DOK3: variants seen among roughly 807,000 people sequenced by gnomAD.
DOK3 encodes docking protein 3.
DOK3 carries 23 observed loss-of-function variants against 26.2 expected under a neutral mutation model. That is an observed-to-expected ratio of 0.88 (90% CI 0.63 to 1.24). The LOEUF (loss-of-function observed/expected upper bound fraction) is 1.24. DOK3 is among the 50% of genes most tolerant of loss of function. The pLI is 0.00. For missense variants in DOK3, 619 were observed against 610.6 expected (o/e 1.01, Z -0.15); for synonymous variants, 268 against 268.2 (o/e 1.00, Z 0.01).
At position 177,503,648 on chromosome 5, in the gene DOK3, G is replaced by C. The variant is rs1386867248; in HGVS notation, c.*335C>G. On this transcript the variant is annotated 3_prime_UTR_variant, in exon 6 of 6. Coordinates refer to ENST00000510898, the MANE Select transcript of DOK3 (RefSeq NM_001308236.3). ...TTCCATCCCGTCTGTCTGCTGCAGTGGGTTTGAGCCCACGGGTGGCAGGTA... is the reference window on the plus strand; with the variant it reads ...TTCCATCCCGTCTGTCTGCTGCAGTCGGTTTGAGCCCACGGGTGGCAGGTA... The C allele has an allele frequency of 6.7e-5, 90 of 1,333,426 alleles. No homozygotes were observed. The highest frequency in any genetic ancestry group is 8.5e-5 in the Non-Finnish European group (87 of 1,019,062). The allele number at this position is 1,333,426 out of a possible 1,614,324, so 82.6% of individuals were successfully genotyped here. A position where few individuals can be genotyped will look rare whatever the true frequency, so the allele number is the denominator to read the frequency against.
At position 177,509,762 on chromosome 5, in the gene DOK3, A is replaced by G. The variant is rs1760742348; in HGVS notation, c.-122T>C. On this transcript the variant is annotated 5_prime_UTR_variant, in exon 1 of 6. Coordinates refer to ENST00000510898, the MANE Select transcript of DOK3 (RefSeq NM_001308236.3). ...GCCCAAGGTGCCCACACCTACCTGG[A>G]GGGAGCCCCCGGCCACCTGAAGGCA... The G allele has an allele frequency of 6.2e-7, 1 of 1,612,408 alleles. No homozygotes were observed. The highest frequency in any genetic ancestry group is 1.3e-5 in the African/African-American group (1 of 74,878).
chr5:177,510,527 G>A (rs756341440), upstream of DOK3: 7 of 153,056 alleles, frequency 4.6e-5, no homozygotes, highest in Admixed American at 1.3e-4. Context: ...TGCCAATAGC[G>A]GGGCTGTGTG....
rs376607810 is a variant in DOK3 at position 177,504,394 on chromosome 5, G to A, written c.912C>T (p.Pro304=). ...PTSRKMHLAE[P]GPQSLPLLLG... is the part of the protein sequence containing the mutation. ...GCAGTAGCGGCAGGCTCTGGGGTCC[G>A]GGCTCGGCCAGGTGCATTTTCCTGG... is the stretch of plus-strand genomic sequence containing the variant. Residue 304 remains proline, a synonymous_variant, in exon 6 of 6, where the codon CCC becomes CCT. Transcript: ENST00000510898. 127 of 1,565,968 alleles carry A rather than the reference G, an allele frequency of 8.1e-5. No individual in the cohort carries two copies. The highest frequency in any genetic ancestry group is 1.7e-4 in the Middle Eastern group (1 of 5,810).
At chr5:177,505,710 C>T (rs566038188) in intron 3 of DOK3, among the ~76,000 whole-genome samples, 2 of 152,228 alleles carry the variant, frequency 1.3e-5, no homozygotes, top group South Asian at 4.1e-4. Context: ...GGCGAGATCT[C>T]GGCTGACTGC....
In DOK3 at chr5:177,508,366, C is replaced by A. The variant is rs1378284267; in HGVS notation, c.243G>T (p.Leu81=). Residue 81 remains leucine (L), a synonymous_variant, in exon 3 of 6, where the codon CTG becomes CTT. Transcript: ENST00000510898. The part of the protein sequence containing the change: ...VIRLADCVSV[L]PADGESCPRD... The stretch of plus-strand genomic sequence containing the variant: ...GGGGGCAGCTCTCGCCGTCAGCCGG[C>A]AGCACGGACACACAGTCAGCCAGGC... The A allele has an allele frequency of 5.0e-6, 8 of 1,602,068 alleles. No homozygotes were observed. Among genetic ancestry groups the A allele is most frequent in the Non-Finnish European group, 6.8e-6 (8 of 1,178,980 alleles).
At position 177,504,652 on chromosome 5, in the gene DOK3, G is replaced by C; in HGVS notation, c.654C>G (p.Phe218Leu). The C allele has an allele frequency of 6.2e-7, 1 of 1,613,142 alleles. No homozygotes were observed. Among genetic ancestry groups the C allele is most frequent in the African/African-American group, 1.3e-5 (1 of 75,058 alleles). ...GGCAGCGACGGCCGGCCTCAAAGGA[G>C]AACACGCCCTGGGCACAGGGCACAC... The part of the protein sequence containing the change: ...LRKFGSDKGV[F>L]SFEAGRRCHS... Residue 218 changes from phenylalanine to leucine, a missense_variant, in exon 6 of 6, where the codon TTC becomes TTG. Physicochemically the swap from Phe to Leu is conservative, Grantham distance 22. Coordinates refer to ENST00000510898, the MANE Select transcript of DOK3 (RefSeq NM_001308236.3).
Position 177,503,141 on chromosome 5 carries a change from G to T in DOK3, c.*842C>A. ...GGCATGACGCTTGCGTGCGTGGCTG[G>T]CTCCTAGGATGGCGCCAGGAGCAGG... On this transcript the variant is annotated 3_prime_UTR_variant, in exon 6 of 6. Coordinates refer to ENST00000510898, the MANE Select transcript of DOK3 (RefSeq NM_001308236.3). The T allele has an allele frequency of 1.9e-6, 3 of 1,548,470 alleles. No homozygotes were observed. The highest frequency in any genetic ancestry group is 2.6e-6 in the Non-Finnish European group (3 of 1,146,104).
chr5:177,509,740 C>A lies in DOK3; in HGVS notation c.-118+18G>T, dbSNP rs1581796139. The A allele has an allele frequency of 6.2e-7, 1 of 1,612,018 alleles. No homozygotes were observed. The highest frequency in any genetic ancestry group is 2.2e-5 in the East Asian group (1 of 44,824). On this transcript the variant is annotated intron_variant, in intron 1 of 5. Coordinates refer to ENST00000510898, the MANE Select transcript of DOK3 (RefSeq NM_001308236.3). The stretch of plus-strand genomic sequence containing the variant: ...TTTCCTCCCTGGGGTTCTGGCTGCC[C>A]AAGGTGCCCACACCTACCTGGAGGG...
chr5:177,505,650 C>CT (rs894798541), intron 3 of DOK3, among the ~76,000 whole-genome samples: 16 of 151,738 alleles, frequency 1.1e-4, no homozygotes, highest in South Asian at 2.1e-4. Context: ...TGTCAACTGC[C>CT]TTTTTTTTTG....
chr5:177,503,635 T>G lies in DOK3; in HGVS notation c.*348A>C, dbSNP rs537855566. 2.4e-4 allele frequency: 316 copies of G among 1,303,388 alleles called. No individual in the cohort carries two copies. The highest frequency in any genetic ancestry group is 3.1e-4 in the Non-Finnish European group (303 of 991,152). 80.7% of individuals were successfully genotyped at this position (1,303,388 alleles called of 1,614,324 possible). A position where few individuals can be genotyped will look rare whatever the true frequency, so the allele number is the denominator to read the frequency against. ...GAGTCCTAATGATTTCCATCCCGTC[T>G]GTCTGCTGCAGTGGGTTTGAGCCCA... is the stretch of plus-strand genomic sequence containing the variant. On this transcript the variant is annotated 3_prime_UTR_variant, in exon 6 of 6. Coordinates refer to ENST00000510898, the MANE Select transcript of DOK3 (RefSeq NM_001308236.3).
Position 177,508,336 on chromosome 5 carries a change from G to T in DOK3, c.273C>A (p.Asp91Glu). ...LPADGESCPRDTGAFLLTTTE... is the reference protein window; with the variant it reads ...LPADGESCPRETGAFLLTTTE... ...TGGTGGTGAGCAGGAAGGCACCGGTGTCCCGGGGGCAGCTCTCGCCGTCAG... is the reference window on the plus strand; with the variant it reads ...TGGTGGTGAGCAGGAAGGCACCGGTTTCCCGGGGGCAGCTCTCGCCGTCAG... The change falls in exon 3 of 6, where the codon GAC becomes GAA. Residue 91 changes from aspartate (D) to glutamate (E), a missense_variant. Coordinates refer to ENST00000510898, the MANE Select transcript of DOK3 (RefSeq NM_001308236.3). 6.3e-7 allele frequency: 1 copy of T among 1,596,578 alleles called. No individual in the cohort carries two copies.
chr5:177,507,884 A>G (rs1760414392), intron 3 of DOK3, among the ~76,000 whole-genome samples: 1 of 151,904 alleles, frequency 6.6e-6, no homozygotes, highest in African/African-American at 2.4e-5. Flanking sequence ...CTGCCCTTAA[A>G]CACCCCACAC....
At position 177,509,596 on chromosome 5, in the gene DOK3, C is replaced by G; in HGVS notation, c.-56G>C. The G allele has an allele frequency of 6.2e-7, 1 of 1,604,556 alleles. No homozygotes were observed. Among genetic ancestry groups the G allele is most frequent in the Middle Eastern group, 1.7e-4 (1 of 6,008 alleles). On this transcript the variant is annotated 5_prime_UTR_variant, in exon 2 of 6. Coordinates refer to ENST00000510898, the MANE Select transcript of DOK3 (RefSeq NM_001308236.3). ...AAGACCTGGGGAGACTGATGACAGG[C>G]TGGACGGGAACTCCTCACACTTCCC...
Position 177,505,128 on chromosome 5 carries a change from G to A in DOK3, c.373-18C>T, listed in dbSNP as rs368968589. Reference sequence around the variant, plus strand: ...CCTGTCCCCTGGGGAATGAGTTCAAGTCAAAGGTGAGAGCACCGCACTCCC... The same window carrying A: ...CCTGTCCCCTGGGGAATGAGTTCAAATCAAAGGTGAGAGCACCGCACTCCC... On this transcript the variant is annotated intron_variant, in intron 3 of 5. Coordinates refer to ENST00000510898, the MANE Select transcript of DOK3 (RefSeq NM_001308236.3). The A allele has an allele frequency of 1.9e-6, 3 of 1,589,888 alleles. No individual in the cohort carries two copies. The highest frequency in any genetic ancestry group is 2.6e-6 in the Non-Finnish European group (3 of 1,168,586).
At position 177,508,556 on chromosome 5, in the gene DOK3, G is replaced by A. The variant is rs974109170; in HGVS notation, c.67-14C>T. On this transcript the variant is annotated splice_polypyrimidine_tract_variant and intron_variant, in intron 2 of 5. Coordinates refer to ENST00000510898, the MANE Select transcript of DOK3 (RefSeq NM_001308236.3). ...CCGCCAGCACTTCTGCGGGAGGGGA[G>A]CGGGAGGGTGAAGACCCTTGGGTGG... The A allele has an allele frequency of 1.3e-6, 2 of 1,517,474 alleles. No homozygotes were observed. Among genetic ancestry groups the A allele is most frequent in the Non-Finnish European group, 1.8e-6 (2 of 1,121,702 alleles). 94.0% of individuals were successfully genotyped at this position (1,517,474 alleles called of 1,614,324 possible). A position where few individuals can be genotyped will look rare whatever the true frequency, so the allele number is the denominator to read the frequency against.
chr5:177,503,035 A>C lies in DOK3; in HGVS notation c.*948T>G. 3 of 1,511,974 alleles carry C rather than the reference A, an allele frequency of 2.0e-6. No individual in the cohort carries two copies. The highest frequency in any genetic ancestry group is 2.7e-6 in the Non-Finnish European group (3 of 1,122,872). The allele number at this position is 1,511,974 out of a possible 1,614,324, so 93.7% of individuals were successfully genotyped here. ...GAGCAAAAATTGTGTGTCCGTCATG[A>C]AAATGAGGTTCAGGATGTGCCAAGG... On this transcript the variant is annotated 3_prime_UTR_variant, in exon 6 of 6. Transcript: ENST00000510898.
At chr5:177,508,086 C>G in intron 3 of DOK3, 151 bp downstream of exon 3, 1 of 1,051,470 alleles carries the variant, frequency 9.5e-7, no homozygotes, top group Non-Finnish European at 1.3e-6. Flanking sequence ...CTCCATGGCA[C>G]GCACGGCCCT....
Position 177,502,999 on chromosome 5 carries a change from T to A in DOK3, c.*984A>T, listed in dbSNP as rs758646280. On this transcript the variant is annotated 3_prime_UTR_variant, in exon 6 of 6. Coordinates refer to ENST00000510898, the MANE Select transcript of DOK3 (RefSeq NM_001308236.3). ...GAGGTGGCGGCCAGAGGATGAGGCT[T>A]GGACAGGAGAGAGCAAAAATTGTGT... 329 of 1,453,886 alleles carry A rather than the reference T, an allele frequency of 2.3e-4. No homozygotes were observed. Among genetic ancestry groups the A allele is most frequent in the Middle Eastern group, 1.4e-3 (7 of 5,064 alleles). 90.1% of individuals were successfully genotyped at this position (1,453,886 alleles called of 1,614,324 possible).
Position 177,504,031 on chromosome 5 carries a change from C to T in DOK3, c.1275G>A (p.Leu425=). 1 of 1,586,870 alleles carries T rather than the reference C, an allele frequency of 6.3e-7. No individual in the cohort carries two copies. Among genetic ancestry groups the T allele is most frequent in the Non-Finnish European group, 8.6e-7 (1 of 1,166,624 alleles). The change falls in exon 6 of 6, where the codon CTG becomes CTA. Residue 425 remains leucine (L), a synonymous_variant. Coordinates refer to ENST00000510898, the MANE Select transcript of DOK3 (RefSeq NM_001308236.3). The stretch of plus-strand genomic sequence containing the variant: ...GGCCCTTCCTCCGCTCACGACTCAG[C>T]AGGGTCACCAGCTTGGCCTTGAAAC... ...QAGFKAKLVT[L]LSRERRKGPA...
Sources: gnomAD v4.1 joint callset for allele counts (sites outside exome capture counted in the v4.1 genomes callset) on GRCh38, gnomAD v4.1.1 for gene constraint, MANE v1.5 for transcripts, NCBI Gene and HGNC (gene_info 2026-07-23, HGNC 2026-07-21) for gene names.